The following EIPR1 variants were observed in gnomAD, a reference collection of about 807,000 sequenced individuals.
EIPR1 encodes the protein EARP complex and GARP complex interacting protein 1, also known as EARP and GARP complex-interacting protein 1.
In EIPR1, 25 loss-of-function variants were observed where a neutral mutation model predicts 48.1. The ratio of observed to expected loss-of-function variants is 0.52; its 90% CI spans 0.38 to 0.73. The LOEUF is 0.73. Ranked by LOEUF, EIPR1 falls within the 30% of genes least tolerant of loss-of-function variation. EIPR1 has a pLI of 0.00. For synonymous variants in EIPR1, 204 were observed against 201.9 expected (o/e 1.01, Z -0.09); for missense variants, 415 against 506.2 (o/e 0.82, Z 1.73).
At chr2:3,292,545 G>A (rs1041580093) in intron 3 of EIPR1, among the ~76,000 whole-genome samples, 2 of 152,210 alleles carry the variant, frequency 1.3e-5, no homozygotes, top group Non-Finnish European at 2.9e-5. Context: ...TCTCCAGATA[G>A]GTGCTGCTGT....
intron 4 of EIPR1, among the ~76,000 whole-genome samples, chr2:3,220,557 A>C (rs1439009976): frequency 6.6e-6 from 1 of 152,146 alleles, no homozygotes; most frequent in African/African-American, 2.4e-5. Context: ...ACTCTAGAGC[A>C]TTCACAGTGA....
intron 3 of EIPR1, among the ~76,000 whole-genome samples, chr2:3,296,150 C>CA (rs1211065230): frequency 6.9e-6 from 1 of 144,738 alleles, no homozygotes; most frequent in Non-Finnish European, 1.5e-5. Context: ...CACACACACA[C>CA]CCTCCATCCA....
At chr2:3,376,038 G>T (rs913830321) in intron 1 of EIPR1, among the ~76,000 whole-genome samples, 10 of 152,088 alleles carry the variant, frequency 6.6e-5, no homozygotes, top group African/African-American at 2.4e-4. Context: ...ACTTTGGGAG[G>T]CCAAGGAGGG....
chr2:3,362,150 C>T (rs1042372027), intron 1 of EIPR1, among the ~76,000 whole-genome samples: 2 of 152,222 alleles, frequency 1.3e-5, no homozygotes, highest in African/African-American at 2.4e-5. Flanking sequence ...TGGTCCCTGT[C>T]CCTCCCCAGT....
intron 3 of EIPR1, among the ~76,000 whole-genome samples, chr2:3,295,562 T>TCC (rs1404920488): frequency 8.7e-5 from 10 of 115,542 alleles, no homozygotes; most frequent in East Asian, 2.9e-4. Context: ...GCCCATCCTC[T>TCC]CTCCACACAC....
chr2:3,323,854 C>A (rs955585535), intron 3 of EIPR1, among the ~76,000 whole-genome samples: 7 of 152,208 alleles, frequency 4.6e-5, no homozygotes, highest in Non-Finnish European at 1.0e-4. Context: ...GGAGGCAGCA[C>A]AGTGCGTGGC....
intron 3 of EIPR1, among the ~76,000 whole-genome samples, chr2:3,284,394 A>G (rs1430894417): frequency 7.1e-6 from 1 of 141,192 alleles, no homozygotes; most frequent in Admixed American, 6.8e-5. Flanking sequence ...CCACGGCTGC[A>G]CGTAAGCTGG....
intron 3 of EIPR1, among the ~76,000 whole-genome samples, chr2:3,274,094 T>C (rs1318786030): frequency 6.6e-6 from 1 of 152,062 alleles, no homozygotes; most frequent in Non-Finnish European, 1.5e-5. Context: ...AATAAAGATG[T>C]GAAGAAAGAA....
intron 3 of EIPR1, among the ~76,000 whole-genome samples, chr2:3,309,881 C>T (rs566103440): frequency 6.6e-6 from 1 of 152,172 alleles, no homozygotes; most frequent in Admixed American, 6.5e-5. Context: ...AGGAAAGAGA[C>T]GGTGGTGTGG....
chr2:3,368,968 G>A lies in EIPR1; in HGVS notation c.42+8680C>T, dbSNP rs1175397922. 1.2e-4 allele frequency among the ~76,000 whole-genome samples: 19 copies of A among 152,146 alleles called. No individual in the cohort carries two copies. In the South Asian group the frequency reaches 1.9e-3, roughly 15 times the overall value. ...TCATTACCTTCACTCAGCGGTCAAC[G>A]ATCAGATCTCTATCCTTTCATGTAA... On this transcript the variant is annotated intron_variant, in intron 1 of 8. Transcript: ENST00000382125.
intron 3 of EIPR1, among the ~76,000 whole-genome samples, chr2:3,332,505 C>G (rs573807297): frequency 1.3e-5 from 2 of 152,204 alleles, no homozygotes; most frequent in Non-Finnish European, 2.9e-5. Flanking sequence ...TGTGTGGAGG[C>G]CTGCGTCCTC....
At chr2:3,372,008 A>T (rs55742352) in intron 1 of EIPR1, among the ~76,000 whole-genome samples, 14 of 152,024 alleles carry the variant, frequency 9.2e-5, no homozygotes, top group South Asian at 4.1e-4. Flanking sequence ...CAAATGTAAA[A>T]GAACAGAAAT....
chr2:3,348,491 C>T (rs577817370), intron 2 of EIPR1, among the ~76,000 whole-genome samples: 1 of 152,154 alleles, frequency 6.6e-6, no homozygotes. Context: ...TCACACCCCC[C>T]AGGAAGAACT....
chr2:3,255,435 G>A (rs567540623), intron 4 of EIPR1, among the ~76,000 whole-genome samples: 235 of 152,220 alleles, frequency 1.5e-3, no homozygotes, highest in Non-Finnish European at 2.4e-3. Flanking sequence ...CACCCACCTT[G>A]GCCTCCCAAA....
chr2:3,221,811 T>C (rs1231976858), intron 4 of EIPR1, among the ~76,000 whole-genome samples: 4 of 144,966 alleles, frequency 2.8e-5, no homozygotes, highest in African/African-American at 1.1e-4. Context: ...CACAGTCAGT[T>C]GAGGACACAA....
At chr2:3,354,684 GAGATTATGAAGTT>G in intron 1 of EIPR1, 51 bp from the exon 2 acceptor site, 1 of 1,469,550 alleles carries the variant, frequency 6.8e-7, no homozygotes, top group Non-Finnish European at 9.5e-7. Flanking sequence ...AGATTTAATA[GAGATTATGAAGTT>G]AGATTTAAAA....
In EIPR1 at chr2:3,312,515, T is replaced by C. The variant is rs1669159379; in HGVS notation, c.259+25502A>G. ...CCAATATTCCATCTCCAGGTTCCCA[T>C]GGTCCTCCCAAGGCTCCCTCCCACC... On this transcript the variant is annotated intron_variant, in intron 3 of 8. Transcript: ENST00000382125. This position sits in a 1 kb window ranked among gnomAD's most constrained non-coding sequence, Gnocchi z 5.5. 3.3e-5 allele frequency among the ~76,000 whole-genome samples: 5 copies of C among 152,198 alleles called. No homozygotes were observed. Among genetic ancestry groups the C allele is most frequent in the Non-Finnish European group, 1.5e-5 (1 of 68,042 alleles).
intron 3 of EIPR1, among the ~76,000 whole-genome samples, chr2:3,317,105 C>T (rs1023503853): frequency 2.0e-5 from 3 of 151,370 alleles, no homozygotes; most frequent in Non-Finnish European, 4.4e-5. Context: ...TGAGGGCCTA[C>T]TGTGTGCCTT....
intron 7 of EIPR1, 134 bp from the exon 8 acceptor site, chr2:3,192,715 C>T: frequency 1.2e-6 from 1 of 816,700 alleles, no homozygotes; most frequent in Non-Finnish European, 1.9e-6. Context: ...CCCCCAGTCA[C>T]AGGGCCTGAC....
Sources: allele counts gnomAD v4.1 joint callset (sites outside exome capture counted in the v4.1 genomes callset), GRCh38; gene constraint gnomAD v4.1.1; non-coding constraint Gnocchi (gnomAD v3.1); transcripts MANE v1.5; gene names NCBI Gene and HGNC (gene_info 2026-07-23, HGNC 2026-07-21).